Variants in ASCC1 observed in about 807,000 individuals in gnomAD.
ASCC1 encodes the protein activating signal cointegrator 1 complex subunit 1.
Under a neutral mutation model 46.6 loss-of-function variants are expected in ASCC1, and 35 were observed. The ratio of observed to expected loss-of-function variants is 0.75; its 90% confidence interval spans 0.57 to 0.99. ASCC1 has a LOEUF of 0.99. Among genes scored for constraint, ASCC1 ranks in the 50% least tolerant of loss-of-function variants. ASCC1 has a pLI of 0.00. For synonymous variants in ASCC1, 143 were observed against 146.6 expected (o/e 0.98, Z 0.18); for missense variants, 376 against 428.7 (o/e 0.88, Z 1.09).
intron 9 of ASCC1, among the ~76,000 whole-genome samples, chr10:72,118,223 C>CG (rs1229312277): frequency 1.3e-5 from 2 of 151,808 alleles, no homozygotes; most frequent in Non-Finnish European, 2.9e-5. Flanking sequence ...AAAAACTAGT[C>CG]GGGGGTGGTG....
At chr10:72,214,340 G>A (rs1053069315) in intron 1 of ASCC1, among the ~76,000 whole-genome samples, 1 of 149,818 alleles carries the variant, frequency 6.7e-6, no homozygotes, top group African/African-American at 2.5e-5. Context: ...AAACTTCAGT[G>A]GTTATCTAAC....
intron 3 of ASCC1, among the ~76,000 whole-genome samples, chr10:72,210,171 T>C (rs1269088517): frequency 6.6e-6 from 1 of 151,482 alleles, no homozygotes; most frequent in Admixed American, 6.6e-5. Flanking sequence ...TTTTTTTTTT[T>C]TTTTTAAGAC....
intron 7 of ASCC1, among the ~76,000 whole-genome samples, chr10:72,147,278 G>A (rs996203607): frequency 6.6e-6 from 1 of 151,860 alleles, no homozygotes; most frequent in African/African-American, 2.4e-5. Context: ...TTTTGTGATG[G>A]AGTTTCGTTC....
intron 9 of ASCC1, chr10:72,102,205 A>G: frequency 4.1e-6 from 3 of 740,430 alleles, no homozygotes; most frequent in Non-Finnish European, 4.6e-6. Context: ...TGGAAAAATC[A>G]GTGATGATGG....
intron 5 of ASCC1, among the ~76,000 whole-genome samples, chr10:72,196,535 G>A (rs949662498): frequency 2.6e-5 from 4 of 151,990 alleles, no homozygotes; most frequent in African/African-American, 9.7e-5. Flanking sequence ...GCCTACCTCG[G>A]CCTCCCAATG....
intron 5 of ASCC1, among the ~76,000 whole-genome samples, chr10:72,164,286 C>A (rs1350315202): frequency 1.3e-5 from 2 of 152,018 alleles, no homozygotes; most frequent in Non-Finnish European, 2.9e-5. Flanking sequence ...AATAAATAAT[C>A]ACTCCTCTTT....
At chr10:72,148,352 T>G (rs1468635623) in intron 7 of ASCC1, among the ~76,000 whole-genome samples, 2 of 152,124 alleles carry the variant, frequency 1.3e-5, no homozygotes, top group Non-Finnish European at 2.9e-5. Context: ...TAGATGGCTG[T>G]CTGGAAAAAC....
At chr10:72,214,741 A>G (rs994224498) in intron 1 of ASCC1, among the ~76,000 whole-genome samples, 13 of 149,472 alleles carry the variant, frequency 8.7e-5, no homozygotes, top group South Asian at 2.1e-4. Flanking sequence ...AACCATCCAG[A>G]AAAAAAAAAG....
At chr10:72,187,093 C>T (rs1853571670) in intron 5 of ASCC1, among the ~76,000 whole-genome samples, 1 of 152,160 alleles carries the variant, frequency 6.6e-6, no homozygotes, top group Admixed American at 6.6e-5. Flanking sequence ...TTAGCCCCTA[C>T]TCCCCAAAAC....
At chr10:72,180,876 A>G (rs562269586) in intron 5 of ASCC1, 90 of 182,866 alleles carry the variant, frequency 4.9e-4, no homozygotes, top group African/African-American at 2.0e-3. Flanking sequence ...AATTGAGTTC[A>G]GTTCAAGGCA....
intron 6 of ASCC1, among the ~76,000 whole-genome samples, chr10:72,157,341 G>GA (rs1179584908): frequency 6.6e-6 from 1 of 152,050 alleles, no homozygotes; most frequent in African/African-American, 2.4e-5. Flanking sequence ...AAGTTTGTTT[G>GA]AAAAAAAGTT....
At chr10:72,160,907 C>T (rs1465407535) in intron 6 of ASCC1, among the ~76,000 whole-genome samples, 1 of 151,362 alleles carries the variant, frequency 6.6e-6, no homozygotes, top group South Asian at 2.1e-4. Context: ...AATGGTGAAA[C>T]CCCGTCTCTA....
chr10:72,214,255 T>C (rs1052930757), intron 1 of ASCC1, among the ~76,000 whole-genome samples: 1 of 151,134 alleles, frequency 6.6e-6, no homozygotes, highest in African/African-American at 2.4e-5. Context: ...TGCCCGTATA[T>C]AAACACAGCC....
chr10:72,208,353 T>A (rs1857521011), intron 3 of ASCC1, among the ~76,000 whole-genome samples: 1 of 151,922 alleles, frequency 6.6e-6, no homozygotes, highest in Admixed American at 6.6e-5. Flanking sequence ...GAGCCACAAC[T>A]TTCTAAAATC....
At chr10:72,195,057 T>C (rs775916548) in intron 5 of ASCC1, among the ~76,000 whole-genome samples, 2 of 151,972 alleles carry the variant, frequency 1.3e-5, no homozygotes, top group Non-Finnish European at 2.9e-5. Context: ...TATGTTATTT[T>C]AGTCATCACT....
At chr10:72,204,646 C>A in intron 3 of ASCC1, 1 of 1,168,658 alleles carries the variant, frequency 8.6e-7, no homozygotes, top group Non-Finnish European at 1.2e-6. Flanking sequence ...CTACGGATGA[C>A]TATGTCTAAA....
rs112663918 is a variant in ASCC1, at chr10:72,100,229, CTT to C, written c.958-2781_958-2780del. On this transcript the variant is annotated intron_variant, in intron 9 of 9. Transcript: ENST00000672957. The stretch of plus-strand genomic sequence containing the variant: ...TCTTACTGCTTAGTTATTGTTATAT[CTT>C]TTTTTTTTTTTTAGACGGACTCTCT... Among the ~76,000 whole-genome samples, 360 of 143,488 alleles carry C rather than the reference CTT, an allele frequency of 2.5e-3. 3 individuals carry two copies. Among genetic ancestry groups the C allele is most frequent in the African/African-American group, 8.3e-3 (326 of 39,408 alleles). 94.1% of individuals were successfully genotyped at this position (143,488 alleles called of 152,430 possible). A position where few individuals can be genotyped will look rare whatever the true frequency, so the allele number is the denominator to read the frequency against.
chr10:72,168,291 A>C (rs1850628093), intron 5 of ASCC1, among the ~76,000 whole-genome samples: 1 of 152,204 alleles, frequency 6.6e-6, no homozygotes, highest in African/African-American at 2.4e-5. Context: ...CTTCACATGA[A>C]TAAAGATATA....
chr10:72,149,437 CAAAAAAAAAAA>C (rs11297879), intron 7 of ASCC1, among the ~76,000 whole-genome samples: 18 of 52,704 alleles, frequency 3.4e-4, no homozygotes, highest in Non-Finnish European at 5.9e-4. Context: ...GACTCCGTCA[CAAAAAAAAAAA>C]AAAAAAAAAA....
Sources: allele counts gnomAD v4.1 joint callset (sites outside exome capture counted in the v4.1 genomes callset), GRCh38; gene constraint gnomAD v4.1.1; transcripts MANE v1.5; gene names NCBI Gene and HGNC (gene_info 2026-07-23, HGNC 2026-07-21).